Variants in JAKMIP2 observed in about 807,000 individuals in gnomAD.
JAKMIP2 encodes janus kinase and microtubule interacting protein 2, also known as janus kinase and microtubule-interacting protein 2.
A neutral mutation model predicts 115.0 loss-of-function variants in JAKMIP2; 25 were observed. That is an observed-to-expected ratio of 0.22 (90% CI 0.16 to 0.30). JAKMIP2 has a LOEUF of 0.30. Among genes scored for constraint, JAKMIP2 ranks in the 10% least tolerant of loss-of-function variants. The pLI, the probability that JAKMIP2 is intolerant of heterozygous loss-of-function variation, is 1.00. For missense variants in JAKMIP2, 642 were observed against 957.6 expected (o/e 0.67, Z 4.35); for synonymous variants, 334 against 343.6 (o/e 0.97, Z 0.31).
intron 1 of JAKMIP2, among the ~76,000 whole-genome samples, chr5:147,714,447 T>C (rs1202523505): frequency 6.6e-6 from 1 of 152,022 alleles, no homozygotes; most frequent in Non-Finnish European, 1.5e-5. Context: ...ACGGAAATGA[T>C]GCAAGAAACA....
intron 1 of JAKMIP2, among the ~76,000 whole-genome samples, chr5:147,741,039 G>C (rs890811480): frequency 6.6e-6 from 1 of 152,084 alleles, no homozygotes; most frequent in South Asian, 2.1e-4. Context: ...GGATGAAGCC[G>C]ATCAGTACAG....
intron 9 of JAKMIP2, 23 bp from the exon 10 acceptor site, chr5:147,639,783 C>A: frequency 1.2e-6 from 2 of 1,608,832 alleles, no homozygotes; most frequent in South Asian, 1.1e-5. Context: ...AAAAAAAGCC[C>A]CAAAACAATT....
At chr5:147,600,039 T>C (rs933411399) in intron 21 of JAKMIP2, among the ~76,000 whole-genome samples, 4 of 152,046 alleles carry the variant, frequency 2.6e-5, no homozygotes, top group African/African-American at 4.8e-5. Context: ...CATGTATTAC[T>C]TGTCTCTTAC....
chr5:147,672,486 G>C (rs1322524168), intron 1 of JAKMIP2, among the ~76,000 whole-genome samples: 2 of 152,172 alleles, frequency 1.3e-5, no homozygotes, highest in African/African-American at 4.8e-5. Context: ...AATATTGTTA[G>C]AGCTCTTTCC....
chr5:147,687,854 A>G (rs12054881), intron 1 of JAKMIP2, among the ~76,000 whole-genome samples: 45,015 of 152,066 alleles, frequency 0.3, 7,781 homozygotes, highest in African/African-American at 0.48. Context: ...AAATTCATGA[A>G]GTAGGTATCA....
chr5:147,678,999 A>AT (rs1760121766), intron 1 of JAKMIP2, among the ~76,000 whole-genome samples: 1 of 147,166 alleles, frequency 6.8e-6, no homozygotes, highest in African/African-American at 2.6e-5. Context: ...TTATTTATTT[A>AT]GTATGGAGTC....
intron 1 of JAKMIP2, among the ~76,000 whole-genome samples, chr5:147,716,671 C>T (rs1376776390): frequency 0.02 from 3,046 of 148,898 alleles, 38 homozygotes; most frequent in African/African-American, 0.039. Flanking sequence ...TCATGTCCTT[C>T]GCCCACTTTT....
In JAKMIP2 at chr5:147,764,946, G is replaced by GAAA. The variant is rs1561582563; in HGVS notation, c.-149+17509_-149+17510insTTT. On this transcript the variant is annotated intron_variant, in intron 1 of 21. Coordinates refer to ENST00000616793, the MANE Select transcript of JAKMIP2 (RefSeq NM_001270941.2). ...AGAGAGAGAGAGAGAGAGAGAGAGAGGGAGAGAGAGAGAGAGAGAGGGGGA... is the reference window on the plus strand; with the variant it reads ...AGAGAGAGAGAGAGAGAGAGAGAGAGAAAGGAGAGAGAGAGAGAGAGAGGGGGA... 3.2e-4 allele frequency among the ~76,000 whole-genome samples: 28 copies of GAAA among 86,436 alleles called. No homozygotes were observed. The East Asian group carries it at 3.5e-3, about 11-fold the overall frequency. The allele number at this position is 86,436 out of a possible 152,430, so 56.7% of individuals were successfully genotyped here. A position where few individuals can be genotyped will look rare whatever the true frequency, so the allele number is the denominator to read the frequency against.
chr5:147,713,278 G>A (rs1752850627), intron 1 of JAKMIP2, among the ~76,000 whole-genome samples: 3 of 152,020 alleles, frequency 2.0e-5, no homozygotes, highest in African/African-American at 7.3e-5. Flanking sequence ...TTGTAAGTGT[G>A]AGCCTTTCAC....
chr5:147,753,846 T>A (rs1334657794), intron 1 of JAKMIP2, among the ~76,000 whole-genome samples: 1 of 151,662 alleles, frequency 6.6e-6, no homozygotes, highest in Non-Finnish European at 1.5e-5. Flanking sequence ...ATGTTTCTTA[T>A]AATAGCTAAA....
At chr5:147,702,640 GAAAGAAAGAA>G (rs1752404308) in intron 1 of JAKMIP2, among the ~76,000 whole-genome samples, 1 of 123,176 alleles carries the variant, frequency 8.1e-6, no homozygotes, top group Non-Finnish European at 1.6e-5. Context: ...AAGAAAGAAA[GAAAGAAAGAA>G]AGAAAGAAAG....
intron 20 of JAKMIP2, among the ~76,000 whole-genome samples, chr5:147,605,748 G>A (rs910268029): frequency 1.3e-5 from 2 of 152,090 alleles, no homozygotes; most frequent in African/African-American, 4.8e-5. Flanking sequence ...AGATCCTTGA[G>A]GAATCACCAC....
intron 20 of JAKMIP2, among the ~76,000 whole-genome samples, chr5:147,610,392 T>C (rs1277703483): frequency 2.0e-5 from 3 of 152,184 alleles, no homozygotes; most frequent in Admixed American, 6.5e-5. Flanking sequence ...TTTTCATTGA[T>C]GTTGATGCTA....
At chr5:147,658,588 C>T (rs1758796308) in intron 3 of JAKMIP2, among the ~76,000 whole-genome samples, 1 of 152,216 alleles carries the variant, frequency 6.6e-6, no homozygotes, top group Admixed American at 6.5e-5. Context: ...TCTTCAGAGC[C>T]AGCAGGCAGG....
intron 1 of JAKMIP2, among the ~76,000 whole-genome samples, chr5:147,766,474 T>C (rs1755162241): frequency 6.6e-6 from 1 of 152,120 alleles, no homozygotes; most frequent in Non-Finnish European, 1.5e-5. Context: ...GCTGAACAAA[T>C]ATTAAACTCT....
Position 147,781,231 on chromosome 5 carries a change from C to T in JAKMIP2, c.-149+1225G>A, listed in dbSNP as rs186308167. Among the ~76,000 whole-genome samples, 697 of 152,246 alleles carry T rather than the reference C, an allele frequency of 4.6e-3. 3 individuals carry two copies. The highest frequency in any genetic ancestry group is 7.4e-3 in the Non-Finnish European group (503 of 68,008). Reference sequence around the variant, plus strand: ...CTTGGGAATACCTAGATTTTCAAAACAATCCTACTTTCCTACTTAATTATT... The same window carrying T: ...CTTGGGAATACCTAGATTTTCAAAATAATCCTACTTTCCTACTTAATTATT... On this transcript the variant is annotated intron_variant, in intron 1 of 21. Coordinates refer to ENST00000616793, the MANE Select transcript of JAKMIP2 (RefSeq NM_001270941.2).
At chr5:147,637,502 C>G (rs966614084) in intron 10 of JAKMIP2, among the ~76,000 whole-genome samples, 18 of 139,714 alleles carry the variant, frequency 1.3e-4, no homozygotes, top group Admixed American at 8.7e-4. Context: ...TGCAGTGGCA[C>G]AATCTCAGCT....
chr5:147,649,207 G>C (rs955081104), intron 4 of JAKMIP2, among the ~76,000 whole-genome samples: 2 of 152,134 alleles, frequency 1.3e-5, no homozygotes, highest in African/African-American at 2.4e-5. Flanking sequence ...TGACAAAGTA[G>C]TTTCAAATAC....
chr5:147,780,725 C>T (rs1047424138), intron 1 of JAKMIP2, among the ~76,000 whole-genome samples: 17 of 152,086 alleles, frequency 1.1e-4, no homozygotes, highest in African/African-American at 4.1e-4. Context: ...CAATTATTCT[C>T]AGCAAAATTA....
Sources: allele counts gnomAD v4.1 joint callset (sites outside exome capture counted in the v4.1 genomes callset), GRCh38; gene constraint gnomAD v4.1.1; transcripts MANE v1.5; gene names NCBI Gene and HGNC (gene_info 2026-07-23, HGNC 2026-07-21).